The following MON2 variants were observed in gnomAD, a reference collection of about 807,000 sequenced individuals.
The protein encoded by MON2 is MON2 regulator of endosome-to-Golgi trafficking.
Under a neutral mutation model 208.6 loss-of-function variants are expected in MON2, and 84 were observed. The observed-to-expected ratio is 0.40, with a 90% CI of 0.34 to 0.48. The LOEUF (loss-of-function observed/expected upper bound fraction) is 0.48. MON2 is among the 20% of genes least tolerant of loss of function. The probability of loss-of-function intolerance (pLI) is 0.59; values close to 1 mark genes in which losing one functional copy is unlikely to be tolerated. For missense variants in MON2, 1,611 were observed against 2,015.4 expected (o/e 0.80, Z 3.84); for synonymous variants, 660 against 694.0 (o/e 0.95, Z 0.77).
chr12:62,569,076 TGTG>T (rs1418916329), intron 29 of MON2, among the ~76,000 whole-genome samples: 1 of 152,212 alleles, frequency 6.6e-6, no homozygotes, highest in Non-Finnish European at 1.5e-5. Flanking sequence ...TTGTGAACCT[TGTG>T]GTGACAGGCA....
chr12:62,566,799 T>G (rs2074400898), intron 29 of MON2, among the ~76,000 whole-genome samples: 1 of 151,264 alleles, frequency 6.6e-6, no homozygotes, highest in Admixed American at 6.6e-5. Context: ...GATGAGTTAA[T>G]GGGTGCAGCA....
intron 25 of MON2, among the ~76,000 whole-genome samples, chr12:62,559,130 C>T (rs10877876): frequency 0.38 from 57,853 of 151,990 alleles, 11,355 homozygotes; most frequent in African/African-American, 0.47. Context: ...TATTAACCGA[C>T]TGCTTTCCCA....
chr12:62,560,484 A>G lies in MON2; in HGVS notation c.3410-7A>G. The G allele has an allele frequency of 1.9e-6, 3 of 1,587,442 alleles. No individual in the cohort carries two copies. The Middle Eastern group carries it at 5.1e-4, about 270-fold the overall frequency. ...GATAATAGTTTTTTTTTCTCTTCCT[A>G]ATATAGGAGATTTTTCAAGAGCTTG... On this transcript the variant is annotated splice_region_variant and splice_polypyrimidine_tract_variant and intron_variant, in intron 25 of 34. Coordinates refer to ENST00000393630, the MANE Select transcript of MON2 (RefSeq NM_015026.3).
chr12:62,476,559 T>G (rs1366468789), intron 1 of MON2, among the ~76,000 whole-genome samples: 2 of 152,036 alleles, frequency 1.3e-5, no homozygotes, highest in African/African-American at 4.8e-5. Context: ...CTCAGCCTCC[T>G]GAGTAGCTGG....
chr12:62,590,682 G>T (rs927357283), intron 34 of MON2, among the ~76,000 whole-genome samples: 1 of 152,122 alleles, frequency 6.6e-6, no homozygotes, highest in African/African-American at 2.4e-5. Context: ...AATGAATTTT[G>T]TACACAAATG....
At chr12:62,578,602 G>A (rs1412439455) in intron 31 of MON2, 97 bp downstream of exon 31, 1 of 742,222 alleles carries the variant, frequency 1.3e-6, no homozygotes, top group Non-Finnish European at 2.1e-6. Flanking sequence ...TAAAGTAATA[G>A]GTTAAGATTA....
At chr12:62,499,885 T>A (rs113471494) in intron 5 of MON2, among the ~76,000 whole-genome samples, 2,184 of 151,372 alleles carry the variant, frequency 0.014, 54 homozygotes, top group African/African-American at 0.048. Context: ...AAAAAAAAAA[T>A]TTTTTTTAAA....
intron 11 of MON2, among the ~76,000 whole-genome samples, chr12:62,530,197 A>T (rs919848802): frequency 6.8e-6 from 1 of 147,644 alleles, no homozygotes; most frequent in African/African-American, 2.5e-5. Flanking sequence ...CTTTAATGAG[A>T]TCCACTTTTT....
rs1357591856 is a variant in MON2 at position 62,580,429 on chromosome 12, A to G, written c.4699+9A>G. 2.5e-6 allele frequency: 4 copies of G among 1,582,382 alleles called. No homozygotes were observed. In the African/African-American group the frequency reaches 5.4e-5, roughly 21 times the overall value. ...GTCATCTTCATTTACAGGTATGTTA[A>G]TTTTTTTAAGTATTAAAAAGTATTG... On this transcript the variant is annotated intron_variant, in intron 32 of 34. Coordinates refer to ENST00000393630, the MANE Select transcript of MON2 (RefSeq NM_015026.3).
intron 19 of MON2, among the ~76,000 whole-genome samples, chr12:62,542,494 G>A (rs2073282997): frequency 6.6e-6 from 1 of 152,164 alleles, no homozygotes; most frequent in Non-Finnish European, 1.5e-5. Flanking sequence ...TTAGATTAGA[G>A]ATAACTGCCC....
At position 62,484,419 on chromosome 12, in the gene MON2, C is replaced by T. The variant is rs1405834520; in HGVS notation, c.175+186C>T. On this transcript the variant is annotated intron_variant, in intron 2 of 34. Transcript: ENST00000393630. The stretch of plus-strand genomic sequence containing the variant: ...ATGAACTGACTGTATTTCCCAGAGA[C>T]GAATGCTACAAAAATTCTCTGAAAT... Among the ~76,000 whole-genome samples, 7 of 152,116 alleles carry T rather than the reference C, an allele frequency of 4.6e-5. No individual in the cohort carries two copies. The East Asian group carries it at 5.8e-4, about 13-fold the overall frequency.
chr12:62,588,388 A>G (rs1396416740), intron 34 of MON2, among the ~76,000 whole-genome samples: 3 of 147,568 alleles, frequency 2.0e-5, no homozygotes, highest in South Asian at 2.1e-4. Context: ...TTTTTTTACT[A>G]TATTGTTCTG....
chr12:62,588,819 C>A (rs752690789), intron 34 of MON2: 2 of 1,299,050 alleles, frequency 1.5e-6, no homozygotes, highest in African/African-American at 1.5e-5. Flanking sequence ...TCAATCTTCC[C>A]AAATTTTTTC....
rs1012301803 is a variant in MON2 at position 62,506,853 on chromosome 12, T to G, written c.790-1433T>G. ...TGATTTTTGTGATATTTTCTTTGTT[T>G]ATAGCTTCAGTGAAATTTGGATGAC... On this transcript the variant is annotated intron_variant, in intron 7 of 34. Coordinates refer to ENST00000393630, the MANE Select transcript of MON2 (RefSeq NM_015026.3). Among the ~76,000 whole-genome samples, 41 of 152,220 alleles carry G rather than the reference T, an allele frequency of 2.7e-4. 1 individual carries two copies. The highest frequency in any genetic ancestry group is 9.6e-4 in the African/African-American group (40 of 41,454).
intron 29 of MON2, among the ~76,000 whole-genome samples, 199 bp from the exon 30 acceptor site, chr12:62,571,193 G>A (rs1648986139): frequency 6.6e-6 from 1 of 152,146 alleles, no homozygotes; most frequent in South Asian, 2.1e-4. Flanking sequence ...GGATTTAAAA[G>A]TATATCTTTC....
intron 11 of MON2, among the ~76,000 whole-genome samples, chr12:62,528,781 G>A (rs2072468661): frequency 6.6e-6 from 1 of 152,134 alleles, no homozygotes; most frequent in African/African-American, 2.4e-5. Flanking sequence ...GGCTCTCAAA[G>A]GCTAATTGGC....
chr12:62,525,813 T>G, intron 10 of MON2, 136 bp from the exon 11 acceptor site: 1 of 678,008 alleles, frequency 1.5e-6, no homozygotes, highest in Admixed American at 2.9e-5. Context: ...TACTGATAAA[T>G]TTCATTTATT....
intron 13 of MON2, 135 bp downstream of exon 13, chr12:62,535,061 C>T: frequency 1.6e-6 from 1 of 633,632 alleles, no homozygotes; most frequent in South Asian, 2.2e-5. Context: ...ATTCTTTTTC[C>T]CTCATCCCCC....
intron 7 of MON2, 85 bp from the exon 8 acceptor site, chr12:62,508,201 T>C (rs1235485987): frequency 1.0e-6 from 1 of 993,504 alleles, no homozygotes; most frequent in Non-Finnish European, 1.5e-6. Context: ...TAAGAAGTTT[T>C]GTTTCCTAGT....
Sources: gnomAD v4.1 joint callset for allele counts (sites outside exome capture counted in the v4.1 genomes callset) on GRCh38, gnomAD v4.1.1 for gene constraint, MANE v1.5 for transcripts, NCBI Gene and HGNC (gene_info 2026-07-23, HGNC 2026-07-21) for gene names.